GRIK4: variants seen among roughly 807,000 people sequenced by gnomAD.
GRIK4 encodes glutamate receptor ionotropic, kainate 4.
A neutral mutation model predicts 104.9 loss-of-function variants in GRIK4; 40 were observed. The observed-to-expected ratio is 0.38, with a 90% CI of 0.30 to 0.50. GRIK4 has a LOEUF of 0.50. Ranked by LOEUF, GRIK4 falls within the 20% of genes least tolerant of loss-of-function variation. GRIK4 has a pLI of 0.93. For synonymous variants in GRIK4, 485 were observed against 524.9 expected, an observed-to-expected ratio of 0.92 and a Z score of 1.04; for missense variants, 1,047 against 1,308.1, an observed-to-expected ratio of 0.80 and a Z score of 3.08.
At chr11:120,911,362 C>A (rs1413951203) in intron 13 of GRIK4, among the ~76,000 whole-genome samples, 1 of 150,130 alleles carries the variant, frequency 6.7e-6, no homozygotes, top group African/African-American at 2.4e-5. Context: ...CCTCAGCCTC[C>A]CGTGTAGCTG....
chr11:120,928,108 G>A lies in GRIK4; in HGVS notation c.1477-12239G>A, dbSNP rs543931088. On this transcript the variant is annotated intron_variant, in intron 13 of 20. Transcript: ENST00000527524. ...TGCACAACTGTAATCCCAGCTACTCGGGAGGCTGAGGCAGGAGAATGGCTG... is the reference window on the plus strand; with the variant it reads ...TGCACAACTGTAATCCCAGCTACTCAGGAGGCTGAGGCAGGAGAATGGCTG... Among the ~76,000 whole-genome samples the A allele has an allele frequency of 2.0e-4, 30 of 151,710 alleles. No individual in the cohort carries two copies. The South Asian group carries it at 5.7e-3, about 29-fold the overall frequency.
intron 3 of GRIK4, among the ~76,000 whole-genome samples, chr11:120,703,781 T>A (rs1344105071): frequency 1.3e-5 from 2 of 152,200 alleles, no homozygotes; most frequent in African/African-American, 4.8e-5. Context: ...TGTGTCTGTG[T>A]GCTGCTTTCT....
intron 3 of GRIK4, among the ~76,000 whole-genome samples, chr11:120,713,366 T>A (rs1299639569): frequency 1.3e-5 from 2 of 152,196 alleles, no homozygotes; most frequent in Non-Finnish European, 2.9e-5. Flanking sequence ...CTGTGGGTTG[T>A]CATTCCTGGC....
intron 11 of GRIK4, among the ~76,000 whole-genome samples, chr11:120,895,741 A>G (rs1486068536): frequency 1.3e-5 from 2 of 152,236 alleles, no homozygotes; most frequent in African/African-American, 4.8e-5. Context: ...CAGTTTCTTC[A>G]TAACTAAAAC....
intron 1 of GRIK4, among the ~76,000 whole-genome samples, chr11:120,580,594 G>A (rs1484920347): frequency 6.7e-6 from 1 of 149,784 alleles, no homozygotes; most frequent in African/African-American, 2.5e-5. Context: ...TTAGAAACAG[G>A]GTTTTGCTCT....
chr11:120,622,562 C>A (rs567349806), intron 1 of GRIK4, among the ~76,000 whole-genome samples: 8 of 152,318 alleles, frequency 5.3e-5, no homozygotes, highest in Non-Finnish European at 8.8e-5. Context: ...CCTGATAGTT[C>A]TTATTTTCTT....
intron 3 of GRIK4, among the ~76,000 whole-genome samples, chr11:120,797,057 C>T (rs1377953567): frequency 6.6e-6 from 1 of 152,130 alleles, no homozygotes; most frequent in Non-Finnish European, 1.5e-5. Context: ...GGGAGAAAGG[C>T]TCAATGGAAA....
chr11:120,536,592 C>T (rs1315718247), intron 1 of GRIK4, among the ~76,000 whole-genome samples: 2 of 152,164 alleles, frequency 1.3e-5, no homozygotes, highest in East Asian at 3.9e-4. Flanking sequence ...TAACCAAACC[C>T]TTCCTTTGGG....
At chr11:120,771,547 AT>A (rs1207334803) in intron 3 of GRIK4, among the ~76,000 whole-genome samples, 3 of 152,364 alleles carry the variant, frequency 2.0e-5, no homozygotes, top group South Asian at 2.1e-4. Flanking sequence ...GGAAAGGAGA[AT>A]TTAAATATTT....
chr11:120,887,770 A>T (rs7111646), intron 11 of GRIK4, among the ~76,000 whole-genome samples: 26,443 of 152,152 alleles, frequency 0.17, 2,703 homozygotes, highest in East Asian at 0.48. Flanking sequence ...TAATTACCTA[A>T]ATAACTATAT....
intron 3 of GRIK4, among the ~76,000 whole-genome samples, chr11:120,764,018 T>A (rs1488875410): frequency 6.6e-6 from 1 of 152,196 alleles, no homozygotes; most frequent in Non-Finnish European, 1.5e-5. Context: ...TCTGTCTCGT[T>A]GATCTGTCTA....
intron 8 of GRIK4, among the ~76,000 whole-genome samples, chr11:120,856,025 T>G: frequency 6.6e-6 from 1 of 152,112 alleles, no homozygotes; most frequent in Non-Finnish European, 1.5e-5. Context: ...GGAAGGAGAT[T>G]GGGGCAGTGC....
At chr11:120,580,204 T>TTTCTTTCC (rs1447789387) in intron 1 of GRIK4, among the ~76,000 whole-genome samples, 4 of 65,450 alleles carry the variant, frequency 6.1e-5, no homozygotes, top group African/African-American at 2.6e-4. Flanking sequence ...GGGTTCTTTC[T>TTTCTTTCC]TTCTTTCTTT....
chr11:120,585,343 C>CTTTTT (rs138152898), intron 1 of GRIK4, among the ~76,000 whole-genome samples: 4 of 143,754 alleles, frequency 2.8e-5, no homozygotes, highest in Non-Finnish European at 4.6e-5. Context: ...CTCTCTCTCT[C>CTTTTT]TTTTTTTTTT....
intron 12 of GRIK4, among the ~76,000 whole-genome samples, chr11:120,900,875 G>A (rs139724477): frequency 2.8e-4 from 43 of 152,272 alleles, no homozygotes; most frequent in Admixed American, 3.9e-4. Context: ...TTGCGGTGTC[G>A]CTGTCCAGCA....
chr11:120,539,920 A>AT (rs1948015657), intron 1 of GRIK4, among the ~76,000 whole-genome samples: 1 of 152,228 alleles, frequency 6.6e-6, no homozygotes, highest in African/African-American at 2.4e-5. Context: ...TAATTGAGTT[A>AT]TCACGGGGCT....
At chr11:120,800,807 C>T (rs1952607957) in intron 3 of GRIK4, among the ~76,000 whole-genome samples, 1 of 152,204 alleles carries the variant, frequency 6.6e-6, no homozygotes, top group Non-Finnish European at 1.5e-5. Context: ...CAGCATAGAA[C>T]CTGGATCTCT....
intron 3 of GRIK4, among the ~76,000 whole-genome samples, chr11:120,669,705 T>C (rs1385059556): frequency 7.2e-5 from 11 of 152,274 alleles, no homozygotes; most frequent in Admixed American, 6.5e-5. Flanking sequence ...TCTTGCACTG[T>C]TTCTGGCTAT....
chr11:120,985,753 G>A, intron 20 of GRIK4, 151 bp from the exon 21 acceptor site: 1 of 643,374 alleles, frequency 1.6e-6, no homozygotes, highest in South Asian at 2.0e-5. Flanking sequence ...AGTGGAGTGA[G>A]GAGATGGACT....
Sources: gnomAD v4.1 joint callset for allele counts (sites outside exome capture counted in the v4.1 genomes callset) on GRCh38, gnomAD v4.1.1 for gene constraint, MANE v1.5 for transcripts, NCBI Gene and HGNC (gene_info 2026-07-23, HGNC 2026-07-21) for gene names.